The following ABCC1 variants were observed in gnomAD, a reference collection of about 807,000 sequenced individuals.
The protein encoded by ABCC1 is multidrug resistance-associated protein 1.
Under a neutral mutation model 172.9 loss-of-function variants are expected in ABCC1, and 83 were observed. That is an observed-to-expected ratio of 0.48 (90% CI 0.40 to 0.58). ABCC1 has a LOEUF of 0.58. ABCC1 is among the 20% of genes least tolerant of loss of function. The pLI is 0.00. For synonymous variants in ABCC1, 937 were observed against 825.2 expected, an observed-to-expected ratio of 1.14 and a Z score of -2.32; for missense variants, 1,817 against 2,002.7, an observed-to-expected ratio of 0.91 and a Z score of 1.77.
At chr16:16,118,779 C>G (rs772820318) in intron 23 of ABCC1, among the ~76,000 whole-genome samples, 1 of 149,722 alleles carries the variant, frequency 6.7e-6, no homozygotes, top group South Asian at 2.1e-4. Context: ...ATGAAAACAT[C>G]GTCTTTTTAA....
rs766636573 is a variant in ABCC1 at position 16,122,052 on chromosome 16, C to T, written c.3468C>T (p.Asn1156=). 14 of 1,614,080 alleles carry T rather than the reference C, an allele frequency of 8.7e-6. No homozygotes were observed. Among genetic ancestry groups the T allele is most frequent in the Middle Eastern group, 1.6e-4 (1 of 6,084 alleles). Residue 1156 remains asparagine (N), a synonymous_variant, in exon 24 of 31, where the codon AAC becomes AAT. Coordinates refer to ENST00000399410, the MANE Select transcript of ABCC1 (RefSeq NM_004996.4). ...VSRSPVYSHF[N]ETLLGVSVIR... is the part of the protein sequence containing the mutation. ...GCTCCCCGGTCTATTCCCATTTCAACGAGACCTTGCTGGGGGTCAGCGTCA... is the reference window on the plus strand; with the variant it reads ...GCTCCCCGGTCTATTCCCATTTCAATGAGACCTTGCTGGGGGTCAGCGTCA...
At chr16:16,127,427 G>A (rs939214671) in intron 26 of ABCC1, among the ~76,000 whole-genome samples, 1 of 152,134 alleles carries the variant, frequency 6.6e-6, no homozygotes, top group Non-Finnish European at 1.5e-5. Flanking sequence ...TTGATCTCCT[G>A]AGCTCTAGTG....
At chr16:16,050,729 C>CA (rs35207136) in intron 10 of ABCC1, among the ~76,000 whole-genome samples, 751 of 66,494 alleles carry the variant, frequency 0.011, 11 homozygotes, top group Non-Finnish European at 0.013. Context: ...CCTGTCTCTA[C>CA]AAAAAAAAAA....
chr16:15,987,874 G>A (rs2046776818), intron 1 of ABCC1, among the ~76,000 whole-genome samples: 2 of 152,156 alleles, frequency 1.3e-5, no homozygotes, highest in African/African-American at 4.8e-5. Context: ...CAGGACCTTT[G>A]CACTGGCTGT....
intron 26 of ABCC1, among the ~76,000 whole-genome samples, chr16:16,130,539 C>T (rs569513598): frequency 7.9e-5 from 12 of 152,208 alleles, no homozygotes; most frequent in African/African-American, 1.4e-4. Context: ...CTCTGTATTG[C>T]GCTCCTCAAA....
At chr16:15,952,972 G>T (rs2045910746) in intron 1 of ABCC1, among the ~76,000 whole-genome samples, 1 of 151,820 alleles carries the variant, frequency 6.6e-6, no homozygotes, top group South Asian at 2.1e-4. Context: ...GGCTGTGGGG[G>T]TGGAGGTTGC....
rs1257267432 is a variant in ABCC1 at position 16,115,020 on chromosome 16, A to T, written c.3334A>T (p.Thr1112Ser). ...TGCCTGCATCGTTATCCTGCTGGCC[A>T]CGCCCATCGCCGCCATCATCATCCC... ...IGACIVILLA[T>S]PIAAIIIPPL... The change falls in exon 23 of 31, where the codon ACG (threonine) becomes TCG (serine). Residue 1112 changes from threonine (T) to serine (S), a missense_variant. Thr to Ser is a moderately conservative substitution (Grantham distance 58, BLOSUM62 1). Around this residue, in one of 3 missense-constraint regions of ABCC1, gnomAD observed 1,412 missense variants for 1,600.3 expected, o/e 0.88. Transcript: ENST00000399410. 6.2e-7 allele frequency: 1 copy of T among 1,614,070 alleles called. No homozygotes were observed. Among genetic ancestry groups the T allele is most frequent in the Non-Finnish European group, 8.5e-7 (1 of 1,180,030 alleles).
intron 10 of ABCC1, among the ~76,000 whole-genome samples, chr16:16,048,635 G>A (rs2049311275): frequency 6.6e-6 from 1 of 152,132 alleles, no homozygotes; most frequent in Non-Finnish European, 1.5e-5. Flanking sequence ...TTATTCATTA[G>A]TCCCTAATTA....
intron 22 of ABCC1, among the ~76,000 whole-genome samples, chr16:16,113,049 T>A (rs2044690402): frequency 6.6e-6 from 1 of 152,200 alleles, no homozygotes; most frequent in Non-Finnish European, 1.5e-5. Context: ...GTTGCTGCTC[T>A]GGAACACACA....
At chr16:16,049,109 G>A (rs1470847034) in intron 10 of ABCC1, among the ~76,000 whole-genome samples, 1 of 152,172 alleles carries the variant, frequency 6.6e-6, no homozygotes, top group Non-Finnish European at 1.5e-5. Flanking sequence ...TCAGTACTCA[G>A]TTTCACCCAC....
intron 5 of ABCC1, among the ~76,000 whole-genome samples, chr16:16,018,912 A>T (rs917804035): frequency 6.6e-6 from 1 of 151,914 alleles, no homozygotes; most frequent in Non-Finnish European, 1.5e-5. Flanking sequence ...CCAAGGCTAG[A>T]GGATCGCTTG....
chr16:16,089,882 A>G (rs80334712), intron 18 of ABCC1, among the ~76,000 whole-genome samples: 1 of 146,358 alleles, frequency 6.8e-6, no homozygotes. Flanking sequence ...CTCTGTCTCA[A>G]AAAAAAAAAA....
At chr16:15,991,478 G>A (rs45517534) in intron 1 of ABCC1, among the ~76,000 whole-genome samples, 5 of 152,106 alleles carry the variant, frequency 3.3e-5, no homozygotes, top group African/African-American at 4.8e-5. Context: ...GTGAAGTTCC[G>A]CAAGGATGGC....
chr16:16,125,797 C>T lies in ABCC1; in HGVS notation c.3718-13C>T. 1 of 1,600,200 alleles carries T rather than the reference C, an allele frequency of 6.2e-7. No individual in the cohort carries two copies. Among genetic ancestry groups the T allele is most frequent in the Non-Finnish European group, 8.6e-7 (1 of 1,169,230 alleles). On this transcript the variant is annotated splice_polypyrimidine_tract_variant and intron_variant, in intron 25 of 30. Transcript: ENST00000399410. Reference sequence around the variant, plus strand: ...CTTACTCTAGAAATGCCACGTGACTCTTCCACTCACAGGTCACCACGTACT... The same window carrying T: ...CTTACTCTAGAAATGCCACGTGACTTTTCCACTCACAGGTCACCACGTACT...
intron 5 of ABCC1, among the ~76,000 whole-genome samples, chr16:16,028,043 C>T (rs1388074107): frequency 2.0e-5 from 3 of 152,070 alleles, no homozygotes; most frequent in Non-Finnish European, 2.9e-5. Context: ...TTGAGCCGTG[C>T]CAGCTAGCCC....
At chr16:16,086,111 C>T (rs867294028) in intron 17 of ABCC1, among the ~76,000 whole-genome samples, 1 of 152,206 alleles carries the variant, frequency 6.6e-6, no homozygotes, top group African/African-American at 2.4e-5. Context: ...AATATGACCA[C>T]GTCCACCAGC....
chr16:16,000,872 A>G (rs981980067), intron 1 of ABCC1, among the ~76,000 whole-genome samples: 12 of 152,186 alleles, frequency 7.9e-5, no homozygotes, highest in African/African-American at 2.9e-4. Flanking sequence ...AGCTTTTTAA[A>G]TGAGGTACCT....
chr16:15,999,862 C>CTTTCTTTCTTTCTTTT (rs2047225595), intron 1 of ABCC1, among the ~76,000 whole-genome samples: 2 of 56,218 alleles, frequency 3.6e-5, no homozygotes, highest in Non-Finnish European at 1.1e-4. Context: ...TTCTTTCTTT[C>CTTTCTTTCTTTCTTTT]TTTCTTTCTT....
At position 16,016,432 on chromosome 16, in the gene ABCC1, G is replaced by A; in HGVS notation, c.490-64G>A. 3 of 1,599,180 alleles carry A rather than the reference G, an allele frequency of 1.9e-6. No homozygotes were observed. In the Admixed American group the frequency reaches 5.0e-5, roughly 27 times the overall value. ...GCCTCCAAAAGTGCTAGGATTACAGGCGTGAGCCACCACACCCAGCCCCAG... is the reference window on the plus strand; with the variant it reads ...GCCTCCAAAAGTGCTAGGATTACAGACGTGAGCCACCACACCCAGCCCCAG... On this transcript the variant is annotated intron_variant, in intron 4 of 30. Coordinates refer to ENST00000399410, the MANE Select transcript of ABCC1 (RefSeq NM_004996.4).
Sources: allele counts gnomAD v4.1 joint callset (sites outside exome capture counted in the v4.1 genomes callset), GRCh38; gene constraint gnomAD v4.1.1; regional missense constraint gnomAD v4.1.1; transcripts MANE v1.5; gene names NCBI Gene and HGNC (gene_info 2026-07-23, HGNC 2026-07-21).